Variants in MAML2 observed in about 807,000 individuals in gnomAD.
The protein encoded by MAML2 is mastermind-like protein 2.
A neutral mutation model predicts 96.1 loss-of-function variants in MAML2; 22 were observed. The observed-to-expected ratio is 0.23, with a 90% CI of 0.16 to 0.33. MAML2 has a LOEUF of 0.33. Ranked by LOEUF, MAML2 falls within the 10% of genes least tolerant of loss-of-function variation. The pLI is 1.00. For synonymous variants in MAML2, 561 were observed against 521.3 expected (o/e 1.08, Z -1.04); for missense variants, 1,367 against 1,392.4 (o/e 0.98, Z 0.29).
chr11:96,243,773 C>T (rs1377451182), intron 1 of MAML2, among the ~76,000 whole-genome samples: 2 of 151,880 alleles, frequency 1.3e-5, no homozygotes, highest in African/African-American at 4.8e-5. Flanking sequence ...CCTGCCTCAG[C>T]CTTCCGAGTA....
chr11:96,029,963 G>A lies in MAML2; in HGVS notation c.2140-38240C>T, dbSNP rs11823801. On this transcript the variant is annotated intron_variant, in intron 2 of 4. Transcript: ENST00000524717. Reference sequence around the variant, plus strand: ...TAAAATTCATATGGAGCCAGGCGCGGTGGCTCACGCCTATAATCCCAGCAC... The same window carrying A: ...TAAAATTCATATGGAGCCAGGCGCGATGGCTCACGCCTATAATCCCAGCAC... Among the ~76,000 whole-genome samples, 983 of 152,294 alleles carry A rather than the reference G, an allele frequency of 6.5e-3. 13 individuals carry two copies. The highest frequency in any genetic ancestry group is 0.023 in the African/African-American group (949 of 41,546).
At chr11:96,222,956 A>G (rs1862160926) in intron 1 of MAML2, among the ~76,000 whole-genome samples, 1 of 152,132 alleles carries the variant, frequency 6.6e-6, no homozygotes, top group African/African-American at 2.4e-5. Context: ...CTTTTTTCCC[A>G]GAAAACTGAA....
chr11:96,051,025 C>T (rs529549061), intron 2 of MAML2, among the ~76,000 whole-genome samples: 1 of 149,886 alleles, frequency 6.7e-6, no homozygotes, highest in East Asian at 2.0e-4. Context: ...TAAGAAATCC[C>T]CCTGCTGGCT....
intron 1 of MAML2, among the ~76,000 whole-genome samples, chr11:96,229,336 G>A (rs569505951): frequency 2.0e-5 from 3 of 151,632 alleles, no homozygotes; most frequent in Non-Finnish European, 2.9e-5. Flanking sequence ...GCAATTATAC[G>A]TAAGAGTGTT....
intron 1 of MAML2, among the ~76,000 whole-genome samples, chr11:96,308,387 T>C (rs1311419979): frequency 1.3e-5 from 2 of 152,196 alleles, no homozygotes; most frequent in Non-Finnish European, 2.9e-5. Flanking sequence ...CAAGACTCTG[T>C]GTATTTAAGT....
rs1296958970 is a variant in MAML2 at position 95,979,529 on chromosome 11, G to A, written c.2890C>T (p.Pro964Ser). 1 of 1,613,752 alleles carries A rather than the reference G, an allele frequency of 6.2e-7. No homozygotes were observed. The highest frequency in any genetic ancestry group is 1.1e-5 in the South Asian group (1 of 91,054). Residue 964 changes from proline (P) to serine (S), a missense_variant, in exon 5 of 5, where the codon CCA becomes TCA. Physicochemically the swap from Pro to Ser is moderately conservative, Grantham distance 74. Coordinates refer to ENST00000524717, the MANE Select transcript of MAML2 (RefSeq NM_032427.4). ...NVMITSNTTA[P>S]NWASQEGTSK... Reference sequence around the variant, plus strand: ...GTTCCTTCTTGAGAGGCCCAGTTTGGTGCAGTTGTGTTGGATGTGATCATT... The same window carrying A: ...GTTCCTTCTTGAGAGGCCCAGTTTGATGCAGTTGTGTTGGATGTGATCATT...
chr11:96,330,452 A>G lies in MAML2; in HGVS notation c.513+10931T>C, dbSNP rs535254973. 3.9e-5 allele frequency among the ~76,000 whole-genome samples: 6 copies of G among 152,368 alleles called. No individual in the cohort carries two copies. The South Asian group carries it at 1.2e-3, about 32-fold the overall frequency. On this transcript the variant is annotated intron_variant, in intron 1 of 4. Transcript: ENST00000524717. ...TTAAGTAACCAGTCCAAGATAACAC[A>G]GCTAATGAAATAGAGTCATTTTCCA... is the stretch of plus-strand genomic sequence containing the variant.
chr11:96,235,938 C>T (rs889784814), intron 1 of MAML2, among the ~76,000 whole-genome samples: 1 of 152,224 alleles, frequency 6.6e-6, no homozygotes, highest in Non-Finnish European at 1.5e-5. Context: ...CATCTGCCCA[C>T]TGCACCCCCT....
intron 2 of MAML2, among the ~76,000 whole-genome samples, chr11:96,018,763 AT>A (rs1858393035): frequency 6.6e-6 from 1 of 152,088 alleles, no homozygotes; most frequent in Admixed American, 6.6e-5. Context: ...TGACTGGCTA[AT>A]TTTTAGTAGA....
chr11:96,074,817 C>G (rs1448021337), intron 2 of MAML2, among the ~76,000 whole-genome samples: 1 of 152,144 alleles, frequency 6.6e-6, no homozygotes, highest in African/African-American at 2.4e-5. Context: ...ATCAGCAAAC[C>G]CTCAGGGAAG....
intron 1 of MAML2, among the ~76,000 whole-genome samples, chr11:96,237,453 C>T (rs1862380390): frequency 6.6e-6 from 1 of 152,186 alleles, no homozygotes; most frequent in South Asian, 2.1e-4. Flanking sequence ...CCACATAATA[C>T]ATTTCATTTC....
intron 2 of MAML2, among the ~76,000 whole-genome samples, chr11:95,992,069 C>A (rs1857922889): frequency 1.3e-5 from 2 of 152,164 alleles, no homozygotes; most frequent in Admixed American, 1.3e-4. Context: ...ACATCATAAC[C>A]TAACAAATCC....
At chr11:96,080,151 G>C (rs1454270481) in intron 2 of MAML2, among the ~76,000 whole-genome samples, 1 of 152,112 alleles carries the variant, frequency 6.6e-6, no homozygotes, top group Non-Finnish European at 1.5e-5. Context: ...TTTTTTATCT[G>C]ACTATATTGT....
intron 2 of MAML2, among the ~76,000 whole-genome samples, chr11:96,049,401 T>C (rs906086282): frequency 2.0e-5 from 3 of 152,250 alleles, no homozygotes; most frequent in Admixed American, 6.5e-5. Context: ...CTTTTCTTTT[T>C]TTGACAAAGA....
intron 2 of MAML2, among the ~76,000 whole-genome samples, chr11:96,058,499 T>C (rs1214053549): frequency 6.6e-6 from 1 of 152,132 alleles, no homozygotes; most frequent in Non-Finnish European, 1.5e-5. Flanking sequence ...TTTGTATTTT[T>C]AGTAGAGATG....
chr11:96,226,047 T>C (rs886685172), intron 1 of MAML2, among the ~76,000 whole-genome samples: 4 of 152,214 alleles, frequency 2.6e-5, no homozygotes, highest in African/African-American at 9.7e-5. Flanking sequence ...TTGTCTCCTA[T>C]CAGCCAATCA....
chr11:96,262,724 CT>C (rs546747761), intron 1 of MAML2, among the ~76,000 whole-genome samples: 15 of 152,316 alleles, frequency 9.8e-5, no homozygotes, highest in African/African-American at 1.4e-4. Flanking sequence ...CCACCTCAGC[CT>C]TCCAAAGTGC....
chr11:96,323,887 G>C (rs1863741407), intron 1 of MAML2, among the ~76,000 whole-genome samples: 1 of 152,218 alleles, frequency 6.6e-6, no homozygotes, highest in Admixed American at 6.5e-5. Flanking sequence ...TGGAATGCCA[G>C]TCAAAACATG....
At chr11:96,128,115 C>G (rs1202307801) in intron 1 of MAML2, among the ~76,000 whole-genome samples, 3 of 152,068 alleles carry the variant, frequency 2.0e-5, no homozygotes, top group Non-Finnish European at 4.4e-5. Flanking sequence ...CTAATCCAGC[C>G]GTGTGCAGTG....
Sources: gnomAD v4.1 joint callset for allele counts (sites outside exome capture counted in the v4.1 genomes callset) on GRCh38, gnomAD v4.1.1 for gene constraint, MANE v1.5 for transcripts, NCBI Gene and HGNC (gene_info 2026-07-23, HGNC 2026-07-21) for gene names.